ANKRD29: variants seen among roughly 807,000 people sequenced by gnomAD.
ANKRD29 encodes the protein ankyrin repeat domain-containing protein 29.
In ANKRD29, 32 loss-of-function variants were observed where a neutral mutation model predicts 38.0. The observed-to-expected ratio is 0.84, with a 90% CI of 0.64 to 1.13. ANKRD29 has a LOEUF of 1.13. Among genes scored for constraint, ANKRD29 ranks in the 50% most tolerant of loss-of-function variants. The pLI, the probability that ANKRD29 is intolerant of heterozygous loss-of-function variation, is 0.00. For missense variants in ANKRD29, 357 were observed against 377.9 expected (o/e 0.94, Z 0.46); for synonymous variants, 135 against 152.4 (o/e 0.89, Z 0.84).
chr18:23,638,882 A>G lies in ANKRD29; in HGVS notation c.297T>C (p.Phe99=). Residue 99 remains phenylalanine (F), a synonymous_variant, in exon 4 of 10, where the codon TTT becomes TTC. Coordinates refer to ENST00000592179, the MANE Select transcript of ANKRD29 (RefSeq NM_173505.4). The stretch of plus-strand genomic sequence containing the variant: ...TAAATTCAGTGGATGCTCCAAATCC[A>G]AAGAGAAATCTCACGACATCATTAT... The part of the protein sequence containing the change: ...QGHNDVVRFL[F]GFGASTEFRT... The G allele has an allele frequency of 6.2e-7, 1 of 1,612,850 alleles. No individual in the cohort carries two copies. Among genetic ancestry groups the G allele is most frequent in the South Asian group, 1.1e-5 (1 of 90,738 alleles).
intron 9 of ANKRD29, among the ~76,000 whole-genome samples, chr18:23,608,900 GT>G (rs1440409981): frequency 2.0e-5 from 3 of 152,152 alleles, no homozygotes; most frequent in African/African-American, 7.2e-5. Context: ...GGGAAACCCT[GT>G]TTCTCAAAGT....
chr18:23,662,754 C>A lies in ANKRD29; in HGVS notation c.-24G>T. ...ATGTCCGCGGCCGCCCGAGCGGGAG[C>A]CGGCGCGCTTTGGGCCCGGGGCGCC... On this transcript the variant is annotated 5_prime_UTR_variant, in exon 1 of 10. Coordinates refer to ENST00000592179, the MANE Select transcript of ANKRD29 (RefSeq NM_173505.4). 6.8e-7 allele frequency: 1 copy of A among 1,460,230 alleles called. No homozygotes were observed. Among genetic ancestry groups the A allele is most frequent in the Non-Finnish European group, 9.0e-7 (1 of 1,109,802 alleles). The allele number at this position is 1,460,230 out of a possible 1,614,324, so 90.5% of individuals were successfully genotyped here.
intron 1 of ANKRD29, among the ~76,000 whole-genome samples, chr18:23,655,823 G>T (rs1277438812): frequency 6.7e-6 from 1 of 148,560 alleles, no homozygotes; most frequent in African/African-American, 2.5e-5. Flanking sequence ...GCCGGGCGCG[G>T]TGGCTCACGC....
Position 23,601,041 on chromosome 18 carries a change from T to G in ANKRD29, c.*185A>C, listed in dbSNP as rs868717531. 3 of 548,696 alleles carry G rather than the reference T, an allele frequency of 5.5e-6. No homozygotes were observed. Among genetic ancestry groups the G allele is most frequent in the African/African-American group, 3.8e-5 (2 of 52,592 alleles). The allele number at this position is 548,696 out of a possible 1,614,324, so 34.0% of individuals were successfully genotyped here. A position where few individuals can be genotyped will look rare whatever the true frequency, so the allele number is the denominator to read the frequency against. On this transcript the variant is annotated 3_prime_UTR_variant, in exon 10 of 10. Coordinates refer to ENST00000592179, the MANE Select transcript of ANKRD29 (RefSeq NM_173505.4). ...AGTCCATGGTGAAGGGGCAAGAGGG[T>G]CCCTGAGCTGTTTGGTTCTTGACTT...
chr18:23,608,964 T>C (rs1421384307), intron 9 of ANKRD29, among the ~76,000 whole-genome samples: 1 of 152,096 alleles, frequency 6.6e-6, no homozygotes, highest in Non-Finnish European at 1.5e-5. Context: ...TAGCCTGGCA[T>C]GCCCCTGTAA....
chr18:23,648,973 C>T (rs766178533), intron 2 of ANKRD29, 110 bp downstream of exon 2: 2 of 905,210 alleles, frequency 2.2e-6, no homozygotes, highest in South Asian at 1.7e-5. Context: ...AGCAAGCAAA[C>T]ACATGAAAAA....
intron 9 of ANKRD29, among the ~76,000 whole-genome samples, chr18:23,608,743 C>T (rs190680731): frequency 2.0e-3 from 309 of 152,286 alleles, no homozygotes; most frequent in Admixed American, 3.5e-3. Context: ...GACTCTGAAA[C>T]AAAATTGATA....
At chr18:23,643,466 T>C (rs1385214128) in intron 3 of ANKRD29, among the ~76,000 whole-genome samples, 5 of 152,250 alleles carry the variant, frequency 3.3e-5, no homozygotes, top group African/African-American at 9.6e-5. Flanking sequence ...GTTGTTTCTT[T>C]AGTAAGATAA....
At chr18:23,634,014 T>G in intron 5 of ANKRD29, 37 bp downstream of exon 5, 340 of 1,593,908 alleles carry the variant, frequency 2.1e-4, no homozygotes, top group Non-Finnish European at 2.7e-4. Flanking sequence ...TTGTATGTGA[T>G]GAGAAATGTC....
chr18:23,640,197 G>C (rs1323876605), intron 3 of ANKRD29, among the ~76,000 whole-genome samples: 1 of 152,168 alleles, frequency 6.6e-6, no homozygotes, highest in Non-Finnish European at 1.5e-5. Context: ...ATTGAGGAGA[G>C]AGTGCTGACA....
chr18:23,644,957 C>T (rs1315065437), intron 3 of ANKRD29, among the ~76,000 whole-genome samples: 1 of 152,170 alleles, frequency 6.6e-6, no homozygotes, highest in Admixed American at 6.5e-5. Flanking sequence ...GTCCTGAGAC[C>T]TGATGTGTCT....
chr18:23,643,658 C>T (rs2060105223), intron 3 of ANKRD29, among the ~76,000 whole-genome samples: 1 of 152,190 alleles, frequency 6.6e-6, no homozygotes, highest in South Asian at 2.1e-4. Context: ...ATATGTGTGC[C>T]TTACTTCAGG....
chr18:23,659,885 C>A (rs893304958), intron 1 of ANKRD29, among the ~76,000 whole-genome samples: 3 of 151,806 alleles, frequency 2.0e-5, no homozygotes, highest in Non-Finnish European at 2.9e-5. Context: ...CCGAGGCAGG[C>A]AGATTACCTG....
intron 9 of ANKRD29, among the ~76,000 whole-genome samples, chr18:23,605,891 T>C (rs2059569520): frequency 6.6e-6 from 1 of 152,204 alleles, no homozygotes; most frequent in Non-Finnish European, 1.5e-5. Flanking sequence ...GACATATTTT[T>C]ACTGCTTCAT....
chr18:23,645,229 G>A (rs1409243195), intron 3 of ANKRD29, among the ~76,000 whole-genome samples: 5 of 152,270 alleles, frequency 3.3e-5, no homozygotes, highest in Middle Eastern at 3.4e-3. Context: ...ATAAAGATTA[G>A]TTTACCAGGT....
intron 3 of ANKRD29, 59 bp from the exon 4 acceptor site, chr18:23,639,006 A>G (rs2060038856): frequency 7.6e-7 from 1 of 1,311,742 alleles, no homozygotes; most frequent in Non-Finnish European, 1.1e-6. Context: ...ATTTGATTTG[A>G]ACATCTGCAA....
chr18:23,638,776 G>T, intron 4 of ANKRD29, 73 bp downstream of exon 4: 1 of 1,191,982 alleles, frequency 8.4e-7, no homozygotes. Context: ...TCGTACCATA[G>T]ATGAGGAGAA....
rs1406847964 is a variant in ANKRD29, at chr18:23,601,156, G to T, written c.*70C>A. 6 of 1,404,242 alleles carry T rather than the reference G, an allele frequency of 4.3e-6. No homozygotes were observed. The highest frequency in any genetic ancestry group is 6.0e-6 in the Non-Finnish European group (6 of 1,003,030). 87.0% of individuals were successfully genotyped at this position (1,404,242 alleles called of 1,614,324 possible). A position where few individuals can be genotyped will look rare whatever the true frequency, so the allele number is the denominator to read the frequency against. ...TTTTCATAAAAGAATTTCCAACACT[G>T]CTTGAAATGCAATTTCTTTTTGGAC... On this transcript the variant is annotated 3_prime_UTR_variant, in exon 10 of 10. Coordinates refer to ENST00000592179, the MANE Select transcript of ANKRD29 (RefSeq NM_173505.4).
chr18:23,613,890 GC>G (rs1568011025), intron 8 of ANKRD29, among the ~76,000 whole-genome samples: 1 of 151,834 alleles, frequency 6.6e-6, no homozygotes, highest in Admixed American at 6.6e-5. Context: ...GAGCCCCCAC[GC>G]CCAGCTAATT....
Sources: allele counts gnomAD v4.1 joint callset (sites outside exome capture counted in the v4.1 genomes callset), GRCh38; gene constraint gnomAD v4.1.1; transcripts MANE v1.5; gene names NCBI Gene and HGNC (gene_info 2026-07-23, HGNC 2026-07-21).